The following ADAMTS12 variants were observed in gnomAD, a reference collection of about 807,000 sequenced individuals.
The protein encoded by ADAMTS12 is ADAM metallopeptidase with thrombospondin type 1 motif 12.
ADAMTS12 carries 118 observed loss-of-function variants against 167.8 expected under a neutral mutation model. That is an observed-to-expected ratio of 0.70 (90% confidence interval 0.61 to 0.82). The LOEUF (loss-of-function observed/expected upper bound fraction) is 0.82. ADAMTS12 is among the 40% of genes least tolerant of loss of function. The pLI is 0.00. For synonymous variants in ADAMTS12, 704 were observed against 716.9 expected, an observed-to-expected ratio of 0.98 and a Z score of 0.29; for missense variants, 1,916 against 1,998.8, an observed-to-expected ratio of 0.96 and a Z score of 0.79.
chr5:33,727,778 C>T (rs1312058535), intron 3 of ADAMTS12, among the ~76,000 whole-genome samples: 1 of 152,206 alleles, frequency 6.6e-6, no homozygotes, highest in Admixed American at 6.5e-5. Context: ...ACCATCCTAT[C>T]GTCTCCTTTG....
At chr5:33,751,078 A>G (rs1264062430) in intron 3 of ADAMTS12, 3 of 422,626 alleles carry the variant, frequency 7.1e-6, no homozygotes, top group African/African-American at 6.1e-5. Context: ...TTTCCTGTAG[A>G]CTATTCAGAA....
chr5:33,813,880 A>G (rs1269592022), intron 2 of ADAMTS12, among the ~76,000 whole-genome samples: 1 of 152,218 alleles, frequency 6.6e-6, no homozygotes, highest in African/African-American at 2.4e-5. Context: ...CAAATTGCTC[A>G]AATTACAAAA....
chr5:33,730,408 G>C (rs939496647), intron 3 of ADAMTS12, among the ~76,000 whole-genome samples: 8 of 151,802 alleles, frequency 5.3e-5, no homozygotes, highest in Non-Finnish European at 1.0e-4. Flanking sequence ...GGAGGCAGGA[G>C]GGGCCACAAA....
intron 2 of ADAMTS12, among the ~76,000 whole-genome samples, chr5:33,851,775 C>A (rs1039029998): frequency 6.6e-6 from 1 of 152,212 alleles, no homozygotes; most frequent in Non-Finnish European, 1.5e-5. Flanking sequence ...TTTCAGTAAG[C>A]CTAGCTGATT....
At chr5:33,841,547 A>AT (rs2111598128) in intron 2 of ADAMTS12, among the ~76,000 whole-genome samples, 1 of 152,194 alleles carries the variant, frequency 6.6e-6, no homozygotes, top group South Asian at 2.1e-4. Context: ...AGCATAACCC[A>AT]TTTTTGCCTA....
intron 19 of ADAMTS12, among the ~76,000 whole-genome samples, chr5:33,564,598 G>A (rs936865062): frequency 6.6e-6 from 1 of 152,196 alleles, no homozygotes; most frequent in Non-Finnish European, 1.5e-5. Flanking sequence ...CTGGAGGTAT[G>A]TAGACCAGCA....
At chr5:33,588,884 G>A in intron 17 of ADAMTS12, 75 bp from the exon 18 acceptor site, 2 of 1,552,568 alleles carry the variant, frequency 1.3e-6, no homozygotes, top group Non-Finnish European at 8.7e-7. Flanking sequence ...TGAGAAAGCA[G>A]GGGCAGAAAT....
chr5:33,673,267 T>C (rs912155614), intron 5 of ADAMTS12, among the ~76,000 whole-genome samples: 1 of 152,194 alleles, frequency 6.6e-6, no homozygotes, highest in Non-Finnish European at 1.5e-5. Context: ...CTCCAAAATA[T>C]GATTGTTGGC....
chr5:33,809,360 C>T (rs1320016813), intron 2 of ADAMTS12, among the ~76,000 whole-genome samples: 2 of 152,176 alleles, frequency 1.3e-5, no homozygotes, highest in African/African-American at 4.8e-5. Flanking sequence ...CATCCCGCCC[C>T]CAAATGCTTT....
chr5:33,764,743 G>A (rs1466152315), intron 2 of ADAMTS12, among the ~76,000 whole-genome samples: 1 of 152,018 alleles, frequency 6.6e-6, no homozygotes, highest in Non-Finnish European at 1.5e-5. Flanking sequence ...CTTTAAAATT[G>A]GGGAAAATAT....
At chr5:33,756,814 G>A (rs1745188231) in intron 2 of ADAMTS12, among the ~76,000 whole-genome samples, 1 of 152,176 alleles carries the variant, frequency 6.6e-6, no homozygotes, top group Non-Finnish European at 1.5e-5. Flanking sequence ...CAGGGATACA[G>A]CAACACAACA....
At chr5:33,588,137 G>T (rs1414840925) in intron 18 of ADAMTS12, among the ~76,000 whole-genome samples, 1 of 152,184 alleles carries the variant, frequency 6.6e-6, no homozygotes, top group Non-Finnish European at 1.5e-5. Context: ...GTCTGGTTTG[G>T]ACTTGACACA....
chr5:33,718,912 C>T (rs532023971), intron 3 of ADAMTS12, among the ~76,000 whole-genome samples: 41 of 152,196 alleles, frequency 2.7e-4, no homozygotes, highest in African/African-American at 8.9e-4. Context: ...GTCAGCAAAA[C>T]GCTTATTCTA....
intron 3 of ADAMTS12, among the ~76,000 whole-genome samples, chr5:33,695,091 T>C (rs1010458571): frequency 6.6e-6 from 1 of 152,226 alleles, no homozygotes; most frequent in Non-Finnish European, 1.5e-5. Flanking sequence ...ACTTGCCACA[T>C]AGTAAAGTCA....
At position 33,711,801 on chromosome 5, in the gene ADAMTS12, GAGA is replaced by G. The variant is rs540922552; in HGVS notation, c.635-27749_635-27747del. On this transcript the variant is annotated intron_variant, in intron 3 of 23. Transcript: ENST00000504830. The stretch of plus-strand genomic sequence containing the variant: ...CACAGGGAATATAATGGATCCTGGA[GAGA>G]AGGAGTGACCCTAAGGATATGTGCA... 1.1e-3 allele frequency among the ~76,000 whole-genome samples: 170 copies of G among 152,280 alleles called. 1 individual carries two copies. The highest frequency in any genetic ancestry group is 6.8e-3 in the Middle Eastern group (2 of 294).
rs1561306733 is a variant in ADAMTS12 at position 33,849,437 on chromosome 5, A to AATATATATGTATTGCACAGCAAT, written c.489+31681_489+31682insATTGCTGTGCAATACATATATAT. On this transcript the variant is annotated intron_variant, in intron 2 of 23. Coordinates refer to ENST00000504830, the MANE Select transcript of ADAMTS12 (RefSeq NM_030955.4). ...GCAATATATATATGTATTGAATAGC[A>AATATATATGTATTGCACAGCAAT]ATATATATATGTATTGCACAGCAAT... Among the ~76,000 whole-genome samples the AATATATATGTATTGCACAGCAAT allele has an allele frequency of 8.5e-4, 61 of 71,924 alleles. 9 individuals are homozygous for AATATATATGTATTGCACAGCAAT. The highest frequency in any genetic ancestry group is 7.4e-3 in the Admixed American group (43 of 5,776). The allele number at this position is 71,924 out of a possible 152,430, so 47.2% of individuals were successfully genotyped here. A position where few individuals can be genotyped will look rare whatever the true frequency, so the allele number is the denominator to read the frequency against.
At chr5:33,544,665 T>C (rs984306148) in intron 22 of ADAMTS12, among the ~76,000 whole-genome samples, 3 of 152,020 alleles carry the variant, frequency 2.0e-5, no homozygotes, top group African/African-American at 7.2e-5. Context: ...AAAACAGATA[T>C]ATAGACCAAA....
chr5:33,627,096 G>A (rs1161038916), intron 13 of ADAMTS12, among the ~76,000 whole-genome samples: 2 of 150,460 alleles, frequency 1.3e-5, no homozygotes, highest in African/African-American at 4.9e-5. Context: ...AGTGGTGGTG[G>A]TGGTGATGAT....
chr5:33,771,085 T>A (rs1745722300), intron 2 of ADAMTS12, among the ~76,000 whole-genome samples: 1 of 152,186 alleles, frequency 6.6e-6, no homozygotes, highest in African/African-American at 2.4e-5. Flanking sequence ...TATCACTCTC[T>A]GTATGAGAAT....
Sources: gnomAD v4.1 joint callset for allele counts (sites outside exome capture counted in the v4.1 genomes callset) on GRCh38, gnomAD v4.1.1 for gene constraint, MANE v1.5 for transcripts, NCBI Gene and HGNC (gene_info 2026-07-23, HGNC 2026-07-21) for gene names.